DCAF8L2: variants seen among roughly 807,000 people sequenced by gnomAD.
DCAF8L2 encodes the protein DDB1- and CUL4-associated factor 8-like protein 2.
For synonymous variants in DCAF8L2, 200 were observed against 190.9 expected (o/e 1.05, Z -0.39); for missense variants, 430 against 490.7 (o/e 0.88, Z 1.17).
At chrX:27,494,906 G>T in the DCAF8L2 span, among the ~76,000 whole-genome samples, 1 of 111,043 alleles carries the variant, frequency 9.0e-6, no homozygotes, top group Non-Finnish European at 1.9e-5. Context: ...CCATTAGAAG[G>T]TCAAAATGTT....
At chrX:27,706,616 A>T (rs1931355333) in intron 3 of DCAF8L2, among the ~76,000 whole-genome samples, 1 of 112,035 alleles carries the variant, frequency 8.9e-6, no homozygotes, top group Non-Finnish European at 1.9e-5. Flanking sequence ...CTATAAATTT[A>T]AAAAGGCACA....
the DCAF8L2 span, among the ~76,000 whole-genome samples, chrX:27,560,770 G>A: frequency 3.6e-5 from 4 of 112,109 alleles, no homozygotes; most frequent in Non-Finnish European, 7.5e-5. Flanking sequence ...TTTTCTAAAC[G>A]AATATAATTT....
At chrX:27,708,298 G>A (rs1252102182) in intron 3 of DCAF8L2, among the ~76,000 whole-genome samples, 3 of 111,855 alleles carry the variant, frequency 2.7e-5, no homozygotes, top group African/African-American at 9.8e-5. Flanking sequence ...GCCTCCAGCT[G>A]CATCTATGTT....
At chrX:27,631,120 C>T (rs867439947) in intron 1 of DCAF8L2, among the ~76,000 whole-genome samples, 10 of 111,407 alleles carry the variant, frequency 9.0e-5, no homozygotes, top group African/African-American at 2.6e-4. Flanking sequence ...TAATACCCAA[C>T]GTTAACGAAA....
At chrX:27,614,712 C>T (rs5926842) in intron 1 of DCAF8L2, among the ~76,000 whole-genome samples, 23,199 of 108,644 alleles carry the variant, frequency 0.21, 2,392 homozygotes, top group Middle Eastern at 0.31. Context: ...CGTTATGTAC[C>T]CAGTAGTCAT....
At chrX:27,554,981 G>C in the DCAF8L2 span, among the ~76,000 whole-genome samples, 3 of 111,526 alleles carry the variant, frequency 2.7e-5, no homozygotes, top group African/African-American at 9.8e-5. Flanking sequence ...TGGCCACACA[G>C]AGGATCCCAT....
At chrX:27,658,902 C>CAA (rs58716423) in intron 2 of DCAF8L2, among the ~76,000 whole-genome samples, 31,186 of 110,720 alleles carry the variant, frequency 0.28, 4,049 homozygotes, top group African/African-American at 0.5. Flanking sequence ...TAATTCTAAC[C>CAA]GTTTCCTCAA....
chrX:27,490,311 T>G, the DCAF8L2 span, among the ~76,000 whole-genome samples: 1 of 112,236 alleles, frequency 8.9e-6, no homozygotes, highest in Non-Finnish European at 1.9e-5. Context: ...TGAGGTGGGG[T>G]GTTTCTGACC....
In DCAF8L2 at chrX:27,737,861, A is replaced by G. The variant is rs779711060; in HGVS notation, c.-58-8977A>G. Among the ~76,000 whole-genome samples the G allele has an allele frequency of 2.7e-5, 3 of 111,392 alleles. No individual in the cohort carries two copies. The East Asian group carries it at 8.5e-4, about 32-fold the overall frequency. On this transcript the variant is annotated intron_variant, in intron 4 of 4. Transcript: ENST00000451261. ...CCTTATGAAATCTTCACACAAAAAA[A>G]TTCTACTAATCTTAGTATGCATTGC... is the stretch of plus-strand genomic sequence containing the variant.
chrX:27,481,325 C>G, the DCAF8L2 span, among the ~76,000 whole-genome samples: 3 of 110,662 alleles, frequency 2.7e-5, no homozygotes, highest in Admixed American at 2.9e-4. Flanking sequence ...TTGCAGTGAG[C>G]TGAGATCACA....
chrX:27,645,357 A>G (rs1036054609), intron 2 of DCAF8L2, among the ~76,000 whole-genome samples: 3 of 111,859 alleles, frequency 2.7e-5, no homozygotes, highest in Non-Finnish European at 5.6e-5. Flanking sequence ...AAGGCCTTCA[A>G]TAAAATCCAA....
At chrX:27,726,569 C>T (rs1932077350) in intron 4 of DCAF8L2, among the ~76,000 whole-genome samples, 1 of 111,187 alleles carries the variant, frequency 9.0e-6, no homozygotes. Context: ...GCTCCAGAGG[C>T]CCCATCATAC....
chrX:27,636,475 C>T (rs1398521370), intron 2 of DCAF8L2, among the ~76,000 whole-genome samples: 1 of 111,432 alleles, frequency 9.0e-6, no homozygotes, highest in Non-Finnish European at 1.9e-5. Flanking sequence ...ATGTAACTCC[C>T]TAGAAAATCA....
intron 2 of DCAF8L2, among the ~76,000 whole-genome samples, chrX:27,663,837 A>G (rs762575594): frequency 6.8e-5 from 7 of 103,536 alleles, no homozygotes; most frequent in African/African-American, 2.5e-4. Flanking sequence ...AGCTGTCACT[A>G]CAGGTGTGTG....
At chrX:27,645,839 C>T (rs764960403) in intron 2 of DCAF8L2, among the ~76,000 whole-genome samples, 88 of 110,951 alleles carry the variant, frequency 7.9e-4, no homozygotes, top group Non-Finnish European at 6.4e-4. Flanking sequence ...AATAAAACAC[C>T]TAGGAACGCA....
chrX:27,745,909 T>G (rs1157115148), intron 4 of DCAF8L2, among the ~76,000 whole-genome samples: 1 of 112,207 alleles, frequency 8.9e-6, no homozygotes. Flanking sequence ...TGACATCACA[T>G]AATTTCCTTT....
At chrX:27,528,790 G>T in the DCAF8L2 span, among the ~76,000 whole-genome samples, 4 of 110,692 alleles carry the variant, frequency 3.6e-5, no homozygotes, top group Non-Finnish European at 1.9e-5. Flanking sequence ...AATAAACTGA[G>T]CGTCATTCAG....
chrX:27,695,923 G>A (rs772899663), intron 3 of DCAF8L2, among the ~76,000 whole-genome samples: 179 of 110,568 alleles, frequency 1.6e-3, no homozygotes, highest in Non-Finnish European at 3.1e-3. Flanking sequence ...GCTAGGCGTG[G>A]TGGCTCACAT....
chrX:27,484,876 T>C, the DCAF8L2 span, among the ~76,000 whole-genome samples: 2 of 111,438 alleles, frequency 1.8e-5, no homozygotes, highest in Middle Eastern at 4.6e-3. Flanking sequence ...AAGGTATGAA[T>C]GTAAAAACAT....
Sources: gnomAD v4.1 joint callset for allele counts (sites outside exome capture counted in the v4.1 genomes callset) on GRCh38, gnomAD v4.1.1 for gene constraint, MANE v1.5 for transcripts, NCBI Gene and HGNC (gene_info 2026-07-23, HGNC 2026-07-21) for gene names.